The following NR6A1 variants were observed in gnomAD, a reference collection of about 807,000 sequenced individuals.
NR6A1 encodes the protein retinoic acid receptor-related testis-associated receptor.
Under a neutral mutation model 59.1 loss-of-function variants are expected in NR6A1, and 7 were observed. The ratio of observed to expected loss-of-function variants is 0.12; its 90% CI spans 0.07 to 0.22. The LOEUF (loss-of-function observed/expected upper bound fraction) is 0.22. Among genes scored for constraint, NR6A1 ranks in the 10% least tolerant of loss-of-function variants. The pLI is 1.00. For synonymous variants in NR6A1, 243 were observed against 236.1 expected, an observed-to-expected ratio of 1.03 and a Z score of -0.27; for missense variants, 468 against 611.6, an observed-to-expected ratio of 0.77 and a Z score of 2.48.
chr9:124,642,343 C>T (rs1223595528), intron 2 of NR6A1, among the ~76,000 whole-genome samples: 1 of 152,212 alleles, frequency 6.6e-6, no homozygotes, highest in East Asian at 1.9e-4. Context: ...AGGCACTGCG[C>T]CCAGAAACTT....
chr9:124,583,861 C>T (rs1490332679), intron 2 of NR6A1, among the ~76,000 whole-genome samples: 1 of 152,214 alleles, frequency 6.6e-6, no homozygotes, highest in Non-Finnish European at 1.5e-5. Context: ...GCCCTCTGCA[C>T]AGCTTCTGTA....
At chr9:124,724,448 G>A (rs148880523) in intron 2 of NR6A1, among the ~76,000 whole-genome samples, 470 of 147,614 alleles carry the variant, frequency 3.2e-3, no homozygotes, top group Middle Eastern at 0.011. Flanking sequence ...AAACCACACA[G>A]CTAAAAAGCT....
At chr9:124,668,340 G>A (rs917542658) in intron 2 of NR6A1, among the ~76,000 whole-genome samples, 2 of 152,166 alleles carry the variant, frequency 1.3e-5, no homozygotes, top group African/African-American at 2.4e-5. Flanking sequence ...GGTGGCAGAA[G>A]AGGTGGAAGG....
chr9:124,677,160 G>A (rs569533569), intron 2 of NR6A1, among the ~76,000 whole-genome samples: 88 of 152,250 alleles, frequency 5.8e-4, no homozygotes, highest in Admixed American at 4.2e-3. Context: ...GACATGTTTA[G>A]AGTGATAGGA....
Position 124,599,580 on chromosome 9 carries a change from T to A in NR6A1, c.143-45010A>T, listed in dbSNP as rs867131792. 71 of 1,112,328 alleles carry A rather than the reference T, an allele frequency of 6.4e-5. 1 individual carries two copies. The African/African-American group carries it at 1.1e-3, about 17-fold the overall frequency. The allele number at this position is 1,112,328 out of a possible 1,614,324, so 68.9% of individuals were successfully genotyped here. A position where few individuals can be genotyped will look rare whatever the true frequency, so the allele number is the denominator to read the frequency against. On this transcript the variant is annotated intron_variant, in intron 2 of 9. Coordinates refer to ENST00000487099, the MANE Select transcript of NR6A1 (RefSeq NM_033334.4). Reference sequence around the variant, plus strand: ...TCCTGAGTGTCCGTGGCAGCCGCCATGAGGGCGCGGCGGCGGCGGCCGCTC... The same window carrying A: ...TCCTGAGTGTCCGTGGCAGCCGCCAAGAGGGCGCGGCGGCGGCGGCCGCTC...
At chr9:124,675,077 T>C (rs773018508) in intron 2 of NR6A1, among the ~76,000 whole-genome samples, 6 of 152,222 alleles carry the variant, frequency 3.9e-5, no homozygotes, top group Non-Finnish European at 7.3e-5. Flanking sequence ...ACTAGTCTTT[T>C]CTTCCCATAC....
At chr9:124,607,647 A>G (rs1055500710) in intron 2 of NR6A1, among the ~76,000 whole-genome samples, 1 of 152,234 alleles carries the variant, frequency 6.6e-6, no homozygotes, top group Non-Finnish European at 1.5e-5. Context: ...AGTCTCTGTG[A>G]GAACTGAAAG....
At chr9:124,553,975 C>T (rs563607517) in intron 3 of NR6A1, among the ~76,000 whole-genome samples, 2 of 152,200 alleles carry the variant, frequency 1.3e-5, no homozygotes, top group African/African-American at 2.4e-5. Context: ...AAAATGATAC[C>T]GCATTCAGCA....
At chr9:124,746,814 C>G (rs953332772) in intron 1 of NR6A1, among the ~76,000 whole-genome samples, 3 of 152,088 alleles carry the variant, frequency 2.0e-5, no homozygotes, top group African/African-American at 7.2e-5. Context: ...CTAGTGTTTT[C>G]CATGTATAGG....
chr9:124,596,555 G>T (rs568427706), intron 2 of NR6A1, among the ~76,000 whole-genome samples: 19 of 152,258 alleles, frequency 1.2e-4, no homozygotes, highest in African/African-American at 4.1e-4. Flanking sequence ...CTTTTACAAA[G>T]CAAAAGTTAC....
rs1187640881 is a variant in NR6A1, at chr9:124,649,563, A to G, written c.142+83745T>C. ...GGGTCTGGCAAAGATTCTTTGAGTT[A>G]GACCTCAAAAGCACAGGCAACAAAA... On this transcript the variant is annotated intron_variant, in intron 2 of 9. Transcript: ENST00000487099. Among the ~76,000 whole-genome samples, 5 of 152,340 alleles carry G rather than the reference A, an allele frequency of 3.3e-5. No individual in the cohort carries two copies. The East Asian group carries it at 9.6e-4, about 29-fold the overall frequency.
At chr9:124,608,596 A>G (rs919708448) in intron 2 of NR6A1, among the ~76,000 whole-genome samples, 1 of 152,212 alleles carries the variant, frequency 6.6e-6, no homozygotes, top group African/African-American at 2.4e-5. Context: ...TAGTGCTGCA[A>G]TGAACAAATG....
intron 2 of NR6A1, among the ~76,000 whole-genome samples, chr9:124,668,081 C>T (rs1045910822): frequency 6.6e-6 from 1 of 152,154 alleles, no homozygotes; most frequent in African/African-American, 2.4e-5. Context: ...TAATAGCCTA[C>T]TGTTGACCAG....
At chr9:124,746,818 G>GTA (rs1366224133) in intron 1 of NR6A1, among the ~76,000 whole-genome samples, 8 of 152,074 alleles carry the variant, frequency 5.3e-5, no homozygotes, top group African/African-American at 1.7e-4. Flanking sequence ...TGTTTTCCAT[G>GTA]TATAGGCTGC....
intron 2 of NR6A1, among the ~76,000 whole-genome samples, chr9:124,592,148 G>T (rs1450500908): frequency 6.6e-6 from 1 of 152,140 alleles, no homozygotes; most frequent in African/African-American, 2.4e-5. Flanking sequence ...AATCAAACAT[G>T]ATTGCAGCGA....
At chr9:124,589,636 C>A (rs1482665383) in intron 2 of NR6A1, among the ~76,000 whole-genome samples, 2 of 152,214 alleles carry the variant, frequency 1.3e-5, no homozygotes, top group African/African-American at 4.8e-5. Context: ...AGATTAAATG[C>A]TCACAGGAAT....
At chr9:124,540,644 G>C (rs569731197) in intron 4 of NR6A1, among the ~76,000 whole-genome samples, 1 of 152,144 alleles carries the variant, frequency 6.6e-6, no homozygotes, top group Non-Finnish European at 1.5e-5. Context: ...ACAAAAAATA[G>C]AAAAATTAGT....
intron 2 of NR6A1, among the ~76,000 whole-genome samples, chr9:124,586,336 T>C (rs1834933774): frequency 2.0e-5 from 3 of 152,236 alleles, no homozygotes; most frequent in Admixed American, 6.5e-5. Context: ...ATGGATGACT[T>C]TGAGGGGCTT....
intron 2 of NR6A1, among the ~76,000 whole-genome samples, chr9:124,729,537 C>G (rs960275071): frequency 6.6e-6 from 1 of 152,126 alleles, no homozygotes. Flanking sequence ...TGAGCCATGA[C>G]TATGCCACTG....
Sources: gnomAD v4.1 joint callset for allele counts (sites outside exome capture counted in the v4.1 genomes callset) on GRCh38, gnomAD v4.1.1 for gene constraint, MANE v1.5 for transcripts, NCBI Gene and HGNC (gene_info 2026-07-23, HGNC 2026-07-21) for gene names.